Variants in TBC1D4 observed in about 807,000 individuals in gnomAD.
TBC1D4 encodes the protein TBC (Tre-2, BUB2, CDC16) domain-containing protein.
A neutral mutation model predicts 142.5 loss-of-function variants in TBC1D4; 121 were observed. The ratio of observed to expected loss-of-function variants is 0.85; its 90% confidence interval spans 0.73 to 0.99. TBC1D4 has a LOEUF of 0.99. TBC1D4 is among the 50% of genes least tolerant of loss of function. The pLI, the probability that TBC1D4 is intolerant of heterozygous loss-of-function variation, is 0.00. For synonymous variants in TBC1D4, 630 were observed against 628.2 expected, an observed-to-expected ratio of 1.00 and a Z score of -0.04; for missense variants, 1,475 against 1,606.6, an observed-to-expected ratio of 0.92 and a Z score of 1.40.
chr13:75,305,733 T>C (rs953449003), intron 15 of TBC1D4, among the ~76,000 whole-genome samples: 1 of 152,204 alleles, frequency 6.6e-6, no homozygotes, highest in Non-Finnish European at 1.5e-5. Flanking sequence ...TCACAGAAAC[T>C]GCAACTAAAA....
At chr13:75,433,469 G>A (rs1433859334) in intron 1 of TBC1D4, among the ~76,000 whole-genome samples, 1 of 152,122 alleles carries the variant, frequency 6.6e-6, no homozygotes, top group Non-Finnish European at 1.5e-5. Context: ...ACTGTCCCTT[G>A]TTAAGAAATG....
intron 1 of TBC1D4, among the ~76,000 whole-genome samples, chr13:75,372,352 C>G (rs893191418): frequency 6.6e-6 from 1 of 152,102 alleles, no homozygotes; most frequent in Admixed American, 6.5e-5. Flanking sequence ...CACTGCAGGC[C>G]TCCACCTAAC....
rs56719877 is a variant in TBC1D4, at chr13:75,299,823, CAAAAA to C, written c.2912-254_2912-250del. Among the ~76,000 whole-genome samples, 338 of 105,974 alleles carry C rather than the reference CAAAAA, an allele frequency of 3.2e-3. 4 individuals carry two copies. Among genetic ancestry groups the C allele is most frequent in the African/African-American group, 0.012 (330 of 28,196 alleles). The allele number at this position is 105,974 out of a possible 152,430, so 69.5% of individuals were successfully genotyped here. ...TATGCTAACCAGTACTTCTTTCCAG[CAAAAA>C]AAAAAAAAAAAAAAAAAAAATACAA... is the stretch of plus-strand genomic sequence containing the variant. On this transcript the variant is annotated intron_variant, in intron 16 of 20. Transcript: ENST00000377636.
chr13:75,402,654 AACACACACACACAC>A lies in TBC1D4; in HGVS notation c.499-40061_499-40048del, dbSNP rs56176942. Among the ~76,000 whole-genome samples, 1,289 of 142,448 alleles carry A rather than the reference AACACACACACACAC, an allele frequency of 9.0e-3. 17 individuals are homozygous for A. The highest frequency in any genetic ancestry group is 0.03 in the African/African-American group (1,175 of 38,998). The allele number at this position is 142,448 out of a possible 152,430, so 93.5% of individuals were successfully genotyped here. On this transcript the variant is annotated intron_variant, in intron 1 of 20. Coordinates refer to ENST00000377636, the MANE Select transcript of TBC1D4 (RefSeq NM_014832.5). ...TCCATGTGGTCTTCCATCCCTAGTAAACACACACACACACACACACACACACACACACACACACA... is the reference window on the plus strand; with the variant it reads ...TCCATGTGGTCTTCCATCCCTAGTAAACACACACACACACACACACACACA...
intron 1 of TBC1D4, chr13:75,375,947 G>A (rs564638653): frequency 5.9e-5 from 9 of 152,002 alleles, no homozygotes; most frequent in African/African-American, 9.7e-5. Flanking sequence ...TCAAAATTCC[G>A]TTACTAGAGA....
chr13:75,325,655 A>G (rs145925466), intron 10 of TBC1D4, among the ~76,000 whole-genome samples: 2,626 of 152,346 alleles, frequency 0.017, 34 homozygotes, highest in Non-Finnish European at 0.027. Flanking sequence ...CTGCCTGTCA[A>G]TTATGGTATA....
chr13:75,426,332 T>C (rs1011342226), intron 1 of TBC1D4, among the ~76,000 whole-genome samples: 10 of 152,202 alleles, frequency 6.6e-5, no homozygotes, highest in African/African-American at 2.2e-4. Context: ...TCCTTTTTGA[T>C]AATGTTTAAG....
At chr13:75,432,131 G>A (rs971166616) in intron 1 of TBC1D4, among the ~76,000 whole-genome samples, 6 of 152,156 alleles carry the variant, frequency 3.9e-5, no homozygotes, top group African/African-American at 1.4e-4. Context: ...GTAACCAGAA[G>A]TAGGCAGTGT....
At chr13:75,393,470 G>A (rs9600463) in intron 1 of TBC1D4, among the ~76,000 whole-genome samples, 2,904 of 152,156 alleles carry the variant, frequency 0.019, 96 homozygotes, top group African/African-American at 0.062. Flanking sequence ...TGCCGCATTC[G>A]ATCCACCAGA....
At position 75,481,522 on chromosome 13, in the gene TBC1D4, C is replaced by T. The variant is rs1473243804; in HGVS notation, c.246G>A (p.Val82=). Residue 82 remains valine, a synonymous_variant, in exon 1 of 21, where the codon GTG becomes GTA. Transcript: ENST00000377636. ...GGAAGGGCGCGCTGAGCACCAGGAT[C>T]ACCTCTCGGGCCGCCGGCGCCCCGC... The part of the protein sequence containing the change: ...GGCGAPAARE[V]ILVLSAPFLR... The T allele has an allele frequency of 6.2e-7, 1 of 1,609,864 alleles. No individual in the cohort carries two copies. The highest frequency in any genetic ancestry group is 1.7e-5 in the Admixed American group (1 of 59,670).
chr13:75,396,469 A>G (rs1436038957), intron 1 of TBC1D4, among the ~76,000 whole-genome samples: 3 of 152,228 alleles, frequency 2.0e-5, no homozygotes, highest in Non-Finnish European at 4.4e-5. Flanking sequence ...ATTCTTAAAT[A>G]GGGACTGAAA....
chr13:75,310,118 G>C lies in TBC1D4; in HGVS notation c.2417C>G (p.Ser806Cys). The change falls in exon 14 of 21, where the codon TCC (serine) becomes TGC (cysteine). Residue 806 changes from serine (S) to cysteine (C), a missense_variant. Ser to Cys is a moderately radical substitution (Grantham distance 112). Coordinates refer to ENST00000377636, the MANE Select transcript of TBC1D4 (RefSeq NM_014832.5). ...CTCCTCCATGGTTGGAGAGAGGGGGGACAGTGGCAGCAGCTCGTTCCTGTC... is the reference window on the plus strand; with the variant it reads ...CTCCTCCATGGTTGGAGAGAGGGGGCACAGTGGCAGCAGCTCGTTCCTGTC... Reference protein sequence around the residue: ...GLDRNELLPLSPLSPTMEEEP... With the variant: ...GLDRNELLPLCPLSPTMEEEP... 6.2e-7 allele frequency: 1 copy of C among 1,613,974 alleles called. No homozygotes were observed. The highest frequency in any genetic ancestry group is 8.5e-7 in the Non-Finnish European group (1 of 1,179,958).
intron 1 of TBC1D4, among the ~76,000 whole-genome samples, chr13:75,466,423 T>C (rs763178388): frequency 1.3e-5 from 2 of 152,232 alleles, no homozygotes; most frequent in Non-Finnish European, 2.9e-5. Context: ...TAAAACCCTA[T>C]GCACTATCAG....
chr13:75,341,137 C>T lies in TBC1D4; in HGVS notation c.1599G>A (p.Gly533=). 3.7e-6 allele frequency: 6 copies of T among 1,613,186 alleles called. No homozygotes were observed. Among genetic ancestry groups the T allele is most frequent in the South Asian group, 1.1e-5 (1 of 91,010 alleles). The part of the protein sequence containing the change: ...EAKQKTHVHI[G]EGPSTISNST... The stretch of plus-strand genomic sequence containing the variant: ...AATATCTTCTCACAGAAGGGCCTTC[C>T]CCGATGTGCACGTGTGTCTTCTGCT... Residue 533 remains glycine, a synonymous_variant, in exon 7 of 21, where the codon GGG becomes GGA. Transcript: ENST00000377636.
At chr13:75,340,138 G>GT (rs35540808) in intron 7 of TBC1D4, among the ~76,000 whole-genome samples, 62,404 of 152,042 alleles carry the variant, frequency 0.41, 13,547 homozygotes, top group East Asian at 0.66. Context: ...CATTCATCAG[G>GT]TTTTTTTGTC....
At position 75,441,908 on chromosome 13, in the gene TBC1D4, T is replaced by C. The variant is rs1430315323; in HGVS notation, c.498+39362A>G. Among the ~76,000 whole-genome samples the C allele has an allele frequency of 4.6e-5, 7 of 152,350 alleles. No homozygotes were observed. The East Asian group carries it at 1.3e-3, about 29-fold the overall frequency. On this transcript the variant is annotated intron_variant, in intron 1 of 20. Coordinates refer to ENST00000377636, the MANE Select transcript of TBC1D4 (RefSeq NM_014832.5). ...TTACCTCTAAGAAGACAAATTAGAC[T>C]CTGTAACACTTCTTTGTATCCAATG...
At chr13:75,439,309 T>G (rs535205586) in intron 1 of TBC1D4, among the ~76,000 whole-genome samples, 22 of 152,332 alleles carry the variant, frequency 1.4e-4, no homozygotes, top group African/African-American at 5.3e-4. Flanking sequence ...CCAAGTGTTG[T>G]GATAAAATTC....
rs1346821333 is a variant in TBC1D4, at chr13:75,318,756, G to A, written c.2222+1258C>T. Among the ~76,000 whole-genome samples the A allele has an allele frequency of 3.3e-5, 5 of 152,140 alleles. No individual in the cohort carries two copies. The East Asian group carries it at 9.6e-4, about 29-fold the overall frequency. ...TTTGACCTATGAGTCAAAAGAGATAGATTAGTCAGTGGAACAACGTGTAGA... is the reference window on the plus strand; with the variant it reads ...TTTGACCTATGAGTCAAAAGAGATAAATTAGTCAGTGGAACAACGTGTAGA... On this transcript the variant is annotated intron_variant, in intron 12 of 20. Transcript: ENST00000377636.
At position 75,329,782 on chromosome 13, in the gene TBC1D4, A is replaced by G. The variant is rs182286432; in HGVS notation, c.1732-1956T>C. 2.0e-5 allele frequency among the ~76,000 whole-genome samples: 3 copies of G among 152,312 alleles called. No homozygotes were observed. In the East Asian group the frequency reaches 5.8e-4, roughly 29 times the overall value. On this transcript the variant is annotated intron_variant, in intron 8 of 20. Coordinates refer to ENST00000377636, the MANE Select transcript of TBC1D4 (RefSeq NM_014832.5). ...TATTTCACTAATAGTTCGGCTGGAT[A>G]TCGTATATTGTAGTAGTTAGAAATT...
Sources: gnomAD v4.1 joint callset for allele counts (sites outside exome capture counted in the v4.1 genomes callset) on GRCh38, gnomAD v4.1.1 for gene constraint, MANE v1.5 for transcripts, NCBI Gene and HGNC (gene_info 2026-07-23, HGNC 2026-07-21) for gene names.